The following POU2F2 variants were observed in gnomAD, a reference collection of about 807,000 sequenced individuals.
POU2F2 encodes POU class 2 homeobox 2, also known as POU domain, class 2, transcription factor 2.
A neutral mutation model predicts 63.5 loss-of-function variants in POU2F2; 14 were observed. That is an observed-to-expected ratio of 0.22 (90% CI 0.15 to 0.34). The LOEUF is 0.34. POU2F2 is among the 10% of genes least tolerant of loss of function. POU2F2 has a pLI of 1.00. For synonymous variants in POU2F2, 306 were observed against 348.6 expected, an observed-to-expected ratio of 0.88 and a Z score of 1.36; for missense variants, 607 against 815.2, an observed-to-expected ratio of 0.74 and a Z score of 3.11.
rs146988959 is a variant in POU2F2, at chr19:42,114,991, T to C, written c.369+2259A>G. On this transcript the variant is annotated intron_variant, in intron 5 of 14. Coordinates refer to ENST00000692977, the MANE Select transcript of POU2F2 (RefSeq NM_001394376.1). ...CCTGTCTCTACAAAAAATATGTATA[T>C]ATAAAAAAATTAGCTGGGTGTGGTG... Among the ~76,000 whole-genome samples the C allele has an allele frequency of 3.7e-3, 559 of 152,080 alleles. 4 individuals carry two copies. The highest frequency in any genetic ancestry group is 0.013 in the African/African-American group (532 of 41,482).
At chr19:42,163,221 C>A (rs533561271) in intron 1 of POU2F2, among the ~76,000 whole-genome samples, 1 of 152,280 alleles carries the variant, frequency 6.6e-6, no homozygotes, top group South Asian at 2.1e-4. Flanking sequence ...GGCCATGGGG[C>A]TCCCGGTTCT....
chr19:42,164,151 G>A lies in POU2F2; in HGVS notation c.-69-3759C>T, dbSNP rs180681929. Among the ~76,000 whole-genome samples, 609 of 152,184 alleles carry A rather than the reference G, an allele frequency of 4.0e-3. 2 individuals are homozygous for A. Among genetic ancestry groups the A allele is most frequent in the South Asian group, 0.015 (73 of 4,822 alleles). On this transcript the variant is annotated intron_variant, in intron 1 of 6. Transcript: ENST00000524801. ...TCTACTAAAAATACAAATATTAGCC[G>A]GGTGTGGTGGTGCGCCTGTAATCCC...
intron 1 of POU2F2, 102 bp downstream of exon 1, chr19:42,132,282 A>G (rs1354362918): frequency 7.4e-7 from 1 of 1,351,372 alleles, no homozygotes; most frequent in Admixed American, 2.2e-5. Context: ...GAGGAGAAGG[A>G]CAATGGAGAC....
In POU2F2 at chr19:42,095,767, G is replaced by A. The variant is rs918614562; in HGVS notation, c.871+21C>T. ...GCGGCCACTGCCCGCCCCCTACGCG[G>A]GAACCCCAGCCTGGTCCCACCTGCA... On this transcript the variant is annotated intron_variant, in intron 9 of 14. Transcript: ENST00000692977. The surrounding 1 kb of genome is among the most constrained non-coding windows in gnomAD (Gnocchi z 7.1). 1.1e-5 allele frequency: 17 copies of A among 1,613,668 alleles called. No individual in the cohort carries two copies. The highest frequency in any genetic ancestry group is 1.4e-5 in the Non-Finnish European group (17 of 1,179,920).
At chr19:42,190,013 C>T (rs1054681278) in intron 1 of POU2F2, among the ~76,000 whole-genome samples, 2 of 152,176 alleles carry the variant, frequency 1.3e-5, no homozygotes, top group East Asian at 3.8e-4. Context: ...AGGCGTAAGC[C>T]GCTGCACCTG....
At chr19:42,126,433 A>C in intron 1 of POU2F2, among the ~76,000 whole-genome samples, 1 of 148,744 alleles carries the variant, frequency 6.7e-6, no homozygotes. Flanking sequence ...ACAGAGCAAG[A>C]CTCCATCTCA....
At chr19:42,157,948 C>G (rs753384948) in intron 2 of POU2F2, among the ~76,000 whole-genome samples, 1 of 152,154 alleles carries the variant, frequency 6.6e-6, no homozygotes, top group Non-Finnish European at 1.5e-5. Context: ...CTCACTCATC[C>G]TGGGGCTCCA....
intron 2 of POU2F2, among the ~76,000 whole-genome samples, chr19:42,147,934 A>G (rs998096969): frequency 2.0e-5 from 3 of 152,052 alleles, no homozygotes; most frequent in African/African-American, 7.3e-5. Context: ...GACCCAGAGG[A>G]GGAAATAAGG....
chr19:42,096,441 C>A lies in POU2F2; in HGVS notation c.568-198G>T, dbSNP rs543895445. 1.8e-4 allele frequency among the ~76,000 whole-genome samples: 27 copies of A among 152,200 alleles called. No homozygotes were observed. The highest frequency in any genetic ancestry group is 2.5e-4 in the Non-Finnish European group (17 of 68,032). Reference sequence around the variant, plus strand: ...TGCACTGTTAATCCCTTTAAAGGTCCGACTCTGCTGCCCTACATGGGTTTC... The same window carrying A: ...TGCACTGTTAATCCCTTTAAAGGTCAGACTCTGCTGCCCTACATGGGTTTC... On this transcript the variant is annotated intron_variant, in intron 7 of 14. Coordinates refer to ENST00000692977, the MANE Select transcript of POU2F2 (RefSeq NM_001394376.1). This position sits in a 1 kb window ranked among gnomAD's most constrained non-coding sequence, Gnocchi z 4.1.
chr19:42,135,442 G>A (rs1363368384), upstream of POU2F2, among the ~76,000 whole-genome samples: 1 of 151,898 alleles, frequency 6.6e-6, no homozygotes, highest in African/African-American at 2.4e-5. Context: ...AGGAAAACAG[G>A]ATGATAGGGG....
intron 5 of POU2F2, among the ~76,000 whole-genome samples, chr19:42,106,122 G>A (rs1439152813): frequency 6.9e-6 from 1 of 145,022 alleles, no homozygotes; most frequent in African/African-American, 2.6e-5. Flanking sequence ...TTTGAGATGA[G>A]ATGGAGTCTC....
chr19:42,181,851 G>T (rs1373780156), intron 1 of POU2F2, among the ~76,000 whole-genome samples: 1 of 152,180 alleles, frequency 6.6e-6, no homozygotes, highest in Non-Finnish European at 1.5e-5. Context: ...CTCCCAAAGT[G>T]CTGGGATTAC....
At chr19:42,159,979 CT>C (rs1364485757) in intron 2 of POU2F2, among the ~76,000 whole-genome samples, 1 of 152,196 alleles carries the variant, frequency 6.6e-6, no homozygotes, top group Non-Finnish European at 1.5e-5. Context: ...GAAGCTCAAA[CT>C]TTCCCAAGTC....
chr19:42,196,318 C>T (rs2035144833), intron 1 of POU2F2: 1 of 152,246 alleles, frequency 6.6e-6, no homozygotes, highest in Non-Finnish European at 1.5e-5. Flanking sequence ...GCTCCCCACG[C>T]GGAAAAACAT....
Position 42,091,328 on chromosome 19 carries a change from T to TGGAGGA in POU2F2, c.1798_1803dup (p.Ser600_Ser601dup), listed in dbSNP as rs762872121. The TGGAGGA allele has an allele frequency of 9.1e-6, 14 of 1,533,702 alleles. No homozygotes were observed. The South Asian group carries it at 1.3e-4, about 14-fold the overall frequency. On this transcript the variant is annotated inframe_insertion, in exon 15 of 15. Coordinates refer to ENST00000692977, the MANE Select transcript of POU2F2 (RefSeq NM_001394376.1). The stretch of plus-strand genomic sequence containing the variant: ...GTCTGTGCTGCCGTCTCGCTGCAAG[T>TGGAGGA]GGAGGAGGAGGAGGATGAGGATGAA...
intron 7 of POU2F2, among the ~76,000 whole-genome samples, chr19:42,098,315 AG>A (rs1414691885): frequency 6.7e-6 from 1 of 150,302 alleles, no homozygotes. Context: ...TGGGAGGCTG[AG>A]GTAGGAGAAT....
At chr19:42,094,301 TGTTC>T (rs1568975589) in intron 11 of POU2F2, among the ~76,000 whole-genome samples, 1 of 152,224 alleles carries the variant, frequency 6.6e-6, no homozygotes. Context: ...CAGGAGAGAC[TGTTC>T]AAAGTGACCC....
chr19:42,113,008 G>A (rs989817217), intron 5 of POU2F2, among the ~76,000 whole-genome samples: 2 of 152,116 alleles, frequency 1.3e-5, no homozygotes, highest in Non-Finnish European at 2.9e-5. Context: ...ACCTCCTCCT[G>A]AAAGCCTGGA....
At chr19:42,119,658 C>T (rs1010791565) in intron 4 of POU2F2, among the ~76,000 whole-genome samples, 4 of 152,130 alleles carry the variant, frequency 2.6e-5, no homozygotes, top group Non-Finnish European at 4.4e-5. Flanking sequence ...GGCGACAGAG[C>T]GAGACTCCGC....
Sources: allele counts gnomAD v4.1 joint callset (sites outside exome capture counted in the v4.1 genomes callset), GRCh38; gene constraint gnomAD v4.1.1; non-coding constraint Gnocchi (gnomAD v3.1); transcripts MANE v1.5; gene names NCBI Gene and HGNC (gene_info 2026-07-23, HGNC 2026-07-21).